The following ACADL variants were observed in gnomAD, a reference collection of about 807,000 sequenced individuals.
ACADL encodes the protein acyl-CoA dehydrogenase long chain.
Under a neutral mutation model 56.9 loss-of-function variants are expected in ACADL, and 60 were observed. The ratio of observed to expected loss-of-function variants is 1.05; its 90% CI spans 0.86 to 1.31. The LOEUF (loss-of-function observed/expected upper bound fraction) is 1.31, where lower values mean the gene tolerates loss of function less well. Ranked by LOEUF, ACADL falls within the 50% of genes most tolerant of loss-of-function variation. ACADL has a pLI of 0.00. For missense variants in ACADL, 484 were observed against 525.5 expected (o/e 0.92, Z 0.77); for synonymous variants, 158 against 179.7 (o/e 0.88, Z 0.97).
intron 2 of ACADL, among the ~76,000 whole-genome samples, chr2:210,220,180 G>A (rs1689151277): frequency 6.6e-6 from 1 of 152,032 alleles, no homozygotes; most frequent in Admixed American, 6.5e-5. Context: ...AGTGAATTTT[G>A]GAAATGAAGC....
At position 210,192,767 on chromosome 2, in the gene ACADL, C is replaced by G. The variant is rs376688105; in HGVS notation, c.1199+37G>C. On this transcript the variant is annotated intron_variant, in intron 10 of 10. Coordinates refer to ENST00000233710, the MANE Select transcript of ACADL (RefSeq NM_001608.4). The stretch of plus-strand genomic sequence containing the variant: ...GTAAAGAAATTTTCCTTTTTCTTCA[C>G]ATCATAAAGAAGAGTGTATCAGAAA... 2.4e-5 allele frequency: 36 copies of G among 1,510,316 alleles called. No individual in the cohort carries two copies. In the African/African-American group the frequency reaches 4.1e-4, roughly 17 times the overall value. The allele number at this position is 1,510,316 out of a possible 1,614,324, so 93.6% of individuals were successfully genotyped here.
chr2:210,218,213 A>G (rs1255530247), intron 2 of ACADL, 111 bp from the exon 3 acceptor site: 1 of 994,686 alleles, frequency 1.0e-6, no homozygotes, highest in Non-Finnish European at 1.5e-6. Flanking sequence ...AATTTAAGGT[A>G]GTTATTTACA....
chr2:210,217,394 C>T (rs1689104306), intron 3 of ACADL: 1 of 152,726 alleles, frequency 6.5e-6, no homozygotes, highest in African/African-American at 2.4e-5. Flanking sequence ...GTGTATGTCA[C>T]TTTCACTGCA....
At chr2:210,220,532 T>G in intron 2 of ACADL, 115 bp downstream of exon 2, 1 of 942,474 alleles carries the variant, frequency 1.1e-6, no homozygotes, top group Non-Finnish European at 1.7e-6. Context: ...GCAGTAAAAA[T>G]GTTAATAAAG....
intron 8 of ACADL, among the ~76,000 whole-genome samples, chr2:210,198,530 A>G (rs1360569733): frequency 1.3e-5 from 2 of 152,126 alleles, no homozygotes; most frequent in East Asian, 3.8e-4. Context: ...ATTAGAAAAA[A>G]CATTCCATTT....
At chr2:210,211,976 G>T (rs1263484136) in intron 4 of ACADL, among the ~76,000 whole-genome samples, 1 of 151,928 alleles carries the variant, frequency 6.6e-6, no homozygotes, top group African/African-American at 2.4e-5. Context: ...GATTACAGGC[G>T]TATGCCACCA....
Position 210,203,537 on chromosome 2 carries a change from T to TATA in ACADL, c.871-96_871-94dup, listed in dbSNP as rs1297461458. 7.8e-6 allele frequency: 6 copies of TATA among 768,996 alleles called. No individual in the cohort carries two copies. The African/African-American group carries it at 1.1e-4, about 13-fold the overall frequency. 47.6% of individuals were successfully genotyped at this position (768,996 alleles called of 1,614,324 possible). A position where few individuals can be genotyped will look rare whatever the true frequency, so the allele number is the denominator to read the frequency against. On this transcript the variant is annotated intron_variant, in intron 7 of 10. Coordinates refer to ENST00000233710, the MANE Select transcript of ACADL (RefSeq NM_001608.4). ...TACGATAAATCCTATAAATTATCTTTATAATAAACTCATAAAGATTAATTT... is the reference window on the plus strand; with the variant it reads ...TACGATAAATCCTATAAATTATCTTTATAATAATAAACTCATAAAGATTAATTT...
chr2:210,202,105 T>C (rs1688802693), intron 8 of ACADL, among the ~76,000 whole-genome samples: 1 of 152,166 alleles, frequency 6.6e-6, no homozygotes, highest in African/African-American at 2.4e-5. Context: ...TTGTTTATTT[T>C]TGAGATGGAG....
chr2:210,213,813 T>A (rs911866260), intron 4 of ACADL, among the ~76,000 whole-genome samples: 1 of 152,182 alleles, frequency 6.6e-6, no homozygotes, highest in African/African-American at 2.4e-5. Context: ...CTTCATTTAT[T>A]ATTTTCTGTT....
intron 7 of ACADL, among the ~76,000 whole-genome samples, chr2:210,203,665 A>AT (rs777410137): frequency 1.6e-3 from 245 of 152,118 alleles, no homozygotes; most frequent in Admixed American, 4.3e-3. Context: ...GACTACCTTT[A>AT]TTTTTTTATA....
intron 6 of ACADL, 50 bp downstream of exon 6, chr2:210,205,582 T>G: frequency 6.3e-7 from 1 of 1,580,464 alleles, no homozygotes; most frequent in Non-Finnish European, 8.7e-7. Flanking sequence ...TCCTATCTGA[T>G]TAACAGTAAA....
Position 210,218,005 on chromosome 2 carries a change from C to A in ACADL, c.331G>T (p.Gly111Ter), listed in dbSNP as rs770193029. 1 of 1,613,968 alleles carries A rather than the reference C, an allele frequency of 6.2e-7. No homozygotes were observed. Among genetic ancestry groups the A allele is most frequent in the Non-Finnish European group, 8.5e-7 (1 of 1,180,006 alleles). ...VNIAEHLGGI[G>*]GDLYSAAIVW... ...ATAGCTGCGGAGTACAGATCCCCTCCAATTCCACCAAGATGCTCTGCAATA... is the reference window on the plus strand; with the variant it reads ...ATAGCTGCGGAGTACAGATCCCCTCAAATTCCACCAAGATGCTCTGCAATA... The change falls in exon 3 of 11, where the codon GGA (glycine) becomes TGA (stop). Residue 111 changes from glycine to a stop codon, truncating the protein, a stop_gained. Transcript: ENST00000233710. LOFTEE classifies it high-confidence loss of function.
rs182478490 is a variant in ACADL at position 210,202,218 on chromosome 2, G to A, written c.984+1113C>T. ...AGTGATTCTCCTGCCTCAGCCTCCC[G>A]AGTAGCTGGGATTAGAGGTGTGCAC... is the stretch of plus-strand genomic sequence containing the variant. On this transcript the variant is annotated intron_variant, in intron 8 of 10. Coordinates refer to ENST00000233710, the MANE Select transcript of ACADL (RefSeq NM_001608.4). Among the ~76,000 whole-genome samples, 580 of 152,012 alleles carry A rather than the reference G, an allele frequency of 3.8e-3. 3 individuals carry two copies. The highest frequency in any genetic ancestry group is 0.013 in the African/African-American group (551 of 41,466).
chr2:210,209,827 T>G (rs1003219569), intron 5 of ACADL: 1 of 186,388 alleles, frequency 5.4e-6, no homozygotes, highest in African/African-American at 2.4e-5. Context: ...TTGAAATTCT[T>G]CTTGATCTAT....
At chr2:210,204,089 C>T (rs1394079815) in intron 7 of ACADL, among the ~76,000 whole-genome samples, 1 of 152,138 alleles carries the variant, frequency 6.6e-6, no homozygotes, top group African/African-American at 2.4e-5. Flanking sequence ...AGGAGTACCC[C>T]CTTACACTGG....
chr2:210,198,536 C>A (rs1306885223), intron 8 of ACADL, among the ~76,000 whole-genome samples: 1 of 151,986 alleles, frequency 6.6e-6, no homozygotes. Flanking sequence ...AAAAACATTC[C>A]ATTTTCACTT....
intron 8 of ACADL, among the ~76,000 whole-genome samples, chr2:210,196,315 A>G (rs778124489): frequency 6.6e-6 from 1 of 151,216 alleles, no homozygotes; most frequent in Non-Finnish European, 1.5e-5. Flanking sequence ...TCATAGCAGT[A>G]TGAAAATGGA....
At chr2:210,202,121 T>C (rs1688802856) in intron 8 of ACADL, among the ~76,000 whole-genome samples, 1 of 152,088 alleles carries the variant, frequency 6.6e-6, no homozygotes. Context: ...TGGAGTCTTG[T>C]TCTGTAGCCC....
At chr2:210,205,911 C>G in intron 5 of ACADL, 115 bp from the exon 6 acceptor site, 1 of 1,222,538 alleles carries the variant, frequency 8.2e-7, no homozygotes, top group East Asian at 2.4e-5. Context: ...ATGCTTGATA[C>G]CTCTCTCTGT....
Sources: allele counts gnomAD v4.1 joint callset (sites outside exome capture counted in the v4.1 genomes callset), GRCh38; gene constraint gnomAD v4.1.1; transcripts MANE v1.5; gene names NCBI Gene and HGNC (gene_info 2026-07-23, HGNC 2026-07-21).